Variants in OR10J1 observed in about 807,000 individuals in gnomAD.
OR10J1 encodes olfactory receptor family 10 subfamily J member 1.
For missense variants in OR10J1, 474 were observed against 376.6 expected (o/e 1.26, Z -2.14); for synonymous variants, 202 against 143.8 (o/e 1.40, Z -2.89).
the OR10J1 span, among the ~76,000 whole-genome samples, chr1:159,428,495 G>A: frequency 6.6e-6 from 1 of 152,020 alleles, no homozygotes; most frequent in Non-Finnish European, 1.5e-5. Context: ...ATAGCTACCA[G>A]GAGAACTATA....
the OR10J1 span, among the ~76,000 whole-genome samples, chr1:159,404,973 T>C: frequency 1.3e-5 from 2 of 152,188 alleles, no homozygotes; most frequent in South Asian, 4.1e-4. Flanking sequence ...TAATTCCCCG[T>C]TTTTATACCC....
At chr1:159,405,716 G>C in the OR10J1 span, 161 of 731,090 alleles carry the variant, frequency 2.2e-4, 1 homozygote, top group African/African-American at 2.7e-3. Flanking sequence ...TAGATGATGA[G>C]GTCATAGGAG....
At chr1:159,429,283 T>G in the OR10J1 span, among the ~76,000 whole-genome samples, 3 of 152,226 alleles carry the variant, frequency 2.0e-5, no homozygotes, top group Non-Finnish European at 4.4e-5. Context: ...GTGAGAGACA[T>G]TCTTTGAGTA....
the OR10J1 span, among the ~76,000 whole-genome samples, chr1:159,402,492 A>T: frequency 0.9 from 135,796 of 151,672 alleles, 61,074 homozygotes; most frequent in East Asian, 0.98. Context: ...CAAATTTTTT[A>T]AAAAAAATCC....
chr1:159,435,528 T>C (rs1558008670), upstream of OR10J1, among the ~76,000 whole-genome samples: 1 of 152,214 alleles, frequency 6.6e-6, no homozygotes, highest in Non-Finnish European at 1.5e-5. Flanking sequence ...ATTTGGAGAT[T>C]CAAGAAATAT....
the OR10J1 span, among the ~76,000 whole-genome samples, chr1:159,422,939 C>T: frequency 6.6e-6 from 1 of 152,114 alleles, no homozygotes; most frequent in Non-Finnish European, 1.5e-5. Context: ...GCTTCTGGTG[C>T]TTCCTATAAC....
At chr1:159,428,111 A>G in the OR10J1 span, among the ~76,000 whole-genome samples, 1 of 152,150 alleles carries the variant, frequency 6.6e-6, no homozygotes, top group African/African-American at 2.4e-5. Flanking sequence ...AAAAACATTT[A>G]AAGTCCGAAA....
At chr1:159,424,672 T>C in the OR10J1 span, among the ~76,000 whole-genome samples, 1 of 151,898 alleles carries the variant, frequency 6.6e-6, no homozygotes, top group African/African-American at 2.4e-5. Flanking sequence ...AAGATAATTT[T>C]GAGGAAGCCT....
chr1:159,405,991 A>T, the OR10J1 span: 1 of 448,938 alleles, frequency 2.2e-6, no homozygotes, highest in Admixed American at 3.1e-5. Flanking sequence ...GGGTTGCAGA[A>T]GACCACATAG....
chr1:159,434,682 C>T (rs1189432802), upstream of OR10J1, among the ~76,000 whole-genome samples: 3 of 152,142 alleles, frequency 2.0e-5, no homozygotes, highest in African/African-American at 4.8e-5. Context: ...AGCATGTGTC[C>T]TGTTATGATA....
chr1:159,414,051 A>T, the OR10J1 span, among the ~76,000 whole-genome samples: 1 of 151,998 alleles, frequency 6.6e-6, no homozygotes, highest in Non-Finnish European at 1.5e-5. Context: ...CAGCGTATTT[A>T]GGGTATCTAT....
At chr1:159,414,685 T>A in the OR10J1 span, among the ~76,000 whole-genome samples, 2 of 152,108 alleles carry the variant, frequency 1.3e-5, no homozygotes, top group Non-Finnish European at 2.9e-5. Flanking sequence ...ATAGCAACTG[T>A]ACTAATTTAC....
the OR10J1 span, among the ~76,000 whole-genome samples, chr1:159,401,367 GA>G: frequency 6.6e-6 from 1 of 151,664 alleles, no homozygotes; most frequent in African/African-American, 2.4e-5. Flanking sequence ...GACTAACAAA[GA>G]AAAAAATAGA....
the OR10J1 span, among the ~76,000 whole-genome samples, chr1:159,428,331 C>G: frequency 6.6e-6 from 1 of 152,126 alleles, no homozygotes; most frequent in Non-Finnish European, 1.5e-5. Flanking sequence ...CCTTTTCTCC[C>G]TAAACCCATC....
upstream of OR10J1, among the ~76,000 whole-genome samples, chr1:159,433,425 C>A (rs1416713247): frequency 1.3e-5 from 2 of 152,094 alleles, no homozygotes; most frequent in East Asian, 3.8e-4. Context: ...ATTCCTGTTA[C>A]TCTTGTCATA....
At chr1:159,410,445 G>C in the OR10J1 span, among the ~76,000 whole-genome samples, 1 of 152,104 alleles carries the variant, frequency 6.6e-6, no homozygotes, top group South Asian at 2.1e-4. Flanking sequence ...ATGCGTCAAG[G>C]AATTTATCCA....
chr1:159,435,476 A>G (rs781499133), upstream of OR10J1, among the ~76,000 whole-genome samples: 11 of 152,216 alleles, frequency 7.2e-5, no homozygotes, highest in Non-Finnish European at 1.6e-4. Context: ...TTTCCTATCA[A>G]TAGGTACAAA....
At chr1:159,418,066 G>A in the OR10J1 span, among the ~76,000 whole-genome samples, 1 of 152,174 alleles carries the variant, frequency 6.6e-6, no homozygotes, top group Non-Finnish European at 1.5e-5. Flanking sequence ...GCATTCAAGA[G>A]GTGACTTTGG....
At chr1:159,418,360 T>A in the OR10J1 span, among the ~76,000 whole-genome samples, 1 of 152,102 alleles carries the variant, frequency 6.6e-6, no homozygotes, top group Non-Finnish European at 1.5e-5. Context: ...ACCCCTGTTA[T>A]GCACAGTCTA....
Sources: allele counts gnomAD v4.1 joint callset (sites outside exome capture counted in the v4.1 genomes callset), GRCh38; gene constraint gnomAD v4.1.1; transcripts MANE v1.5; gene names NCBI Gene and HGNC (gene_info 2026-07-23, HGNC 2026-07-21).